The following HPGD variants were observed in gnomAD, a reference collection of about 807,000 sequenced individuals.
The protein encoded by HPGD is 15-hydroxyprostaglandin dehydrogenase [NAD(+)].
A neutral mutation model predicts 30.0 loss-of-function variants in HPGD; 29 were observed. The ratio of observed to expected loss-of-function variants is 0.97; its 90% confidence interval spans 0.72 to 1.32. The LOEUF (loss-of-function observed/expected upper bound fraction) is 1.32, where lower values mean the gene tolerates loss of function less well. Among genes scored for constraint, HPGD ranks in the 40% most tolerant of loss-of-function variants. HPGD has a pLI of 0.00. For synonymous variants in HPGD, 99 were observed against 112.4 expected (o/e 0.88, Z 0.75); for missense variants, 340 against 322.1 (o/e 1.06, Z -0.43).
At chr4:174,508,059 C>T in intron 4 of HPGD, 1 of 694,188 alleles carries the variant, frequency 1.4e-6, no homozygotes, top group Non-Finnish European at 2.6e-6. Flanking sequence ...CCTCCATGTT[C>T]TTCTTCTCTT....
chr4:174,516,182 A>G (rs928890979), intron 3 of HPGD, among the ~76,000 whole-genome samples: 6 of 152,176 alleles, frequency 3.9e-5, no homozygotes, highest in Non-Finnish European at 7.4e-5. Context: ...ACCAAGAAAG[A>G]CACAGCACTA....
intron 3 of HPGD, among the ~76,000 whole-genome samples, chr4:174,511,244 C>T (rs1735475869): frequency 6.6e-6 from 1 of 151,232 alleles, no homozygotes; most frequent in African/African-American, 2.4e-5. Flanking sequence ...TAGCAACATT[C>T]ATTTATTTTG....
intron 5 of HPGD, among the ~76,000 whole-genome samples, chr4:174,493,993 A>G (rs2110772072): frequency 6.6e-6 from 1 of 152,308 alleles, no homozygotes; most frequent in Non-Finnish European, 1.5e-5. Flanking sequence ...ACCGATGTGC[A>G]TGTTCCTGCT....
rs1050145 is a variant in HPGD at position 174,522,005 on chromosome 4, C to T, written c.156G>A (p.Gln52=). ...GVQCKAALDE[Q]FEPQKTLFIQ... ...TGAACAGAGTCTTCTGAGGTTCAAA[C>T]TGCTCATCCAGGGCAGCTTTACACT... Residue 52 remains glutamine, a synonymous_variant, in exon 2 of 7, where the codon CAG becomes CAA. Transcript: ENST00000296522. 0.41 allele frequency: 656,735 copies of T among 1,613,832 alleles called. 135,588 individuals carry two copies. Among genetic ancestry groups the T allele is most frequent in the Non-Finnish European group, 0.43 (506,655 of 1,179,878 alleles).
At chr4:174,508,132 G>A (rs560735917) in intron 4 of HPGD, 108 of 702,218 alleles carry the variant, frequency 1.5e-4, no homozygotes, top group African/African-American at 8.5e-4. Flanking sequence ...TGCTGAAGAC[G>A]GCAGAACTTC....
chr4:174,502,957 G>C (rs1734992047), intron 4 of HPGD, among the ~76,000 whole-genome samples: 1 of 152,132 alleles, frequency 6.6e-6, no homozygotes, highest in Non-Finnish European at 1.5e-5. Flanking sequence ...AGCCATCTCT[G>C]TCCTATCGAA....
rs765152595 is a variant in HPGD at position 174,496,718 on chromosome 4, C to T, written c.422-1094G>A. Among the ~76,000 whole-genome samples the T allele has an allele frequency of 2.0e-5, 3 of 152,168 alleles. No homozygotes were observed. Among genetic ancestry groups the T allele is most frequent in the Non-Finnish European group, 4.4e-5 (3 of 68,042 alleles). ...TTCTGCTGAGACATGCTCATCTCCA[C>T]CCAGCTAACTATTCCCAGAATGCCA... On this transcript the variant is annotated intron_variant, in intron 4 of 6. Transcript: ENST00000296522. This position sits in a 1 kb window ranked among gnomAD's most constrained non-coding sequence, Gnocchi z 4.6.
At chr4:174,504,653 C>G (rs45526843) in intron 4 of HPGD, among the ~76,000 whole-genome samples, 1 of 130,816 alleles carries the variant, frequency 7.6e-6, no homozygotes, top group Non-Finnish European at 1.7e-5. Flanking sequence ...ACTAAAAATA[C>G]AAAAAAAAAA....
At chr4:174,517,692 G>C (rs983478438) in intron 3 of HPGD, among the ~76,000 whole-genome samples, 1 of 152,114 alleles carries the variant, frequency 6.6e-6, no homozygotes, top group African/African-American at 2.4e-5. Flanking sequence ...GAGTTGGCAG[G>C]CTATTTTGGC....
chr4:174,493,603 T>A, intron 5 of HPGD: 1 of 289,754 alleles, frequency 3.5e-6, no homozygotes, highest in Non-Finnish European at 6.6e-6. Flanking sequence ...TGCAGGAGCC[T>A]GAAGCTAAGT....
intron 4 of HPGD, among the ~76,000 whole-genome samples, chr4:174,499,552 C>T (rs1482583861): frequency 6.6e-6 from 1 of 152,166 alleles, no homozygotes; most frequent in African/African-American, 2.4e-5. Context: ...GCATTGTCTC[C>T]ACTTTCTTGA....
chr4:174,509,790 T>C (rs1461255244), intron 3 of HPGD, among the ~76,000 whole-genome samples: 1 of 152,194 alleles, frequency 6.6e-6, no homozygotes, highest in Non-Finnish European at 1.5e-5. Flanking sequence ...ATCTGGTCTT[T>C]AGTAATGTCT....
In HPGD at chr4:174,493,132, T is replaced by C; in HGVS notation, c.662+19A>G. The C allele has an allele frequency of 1.3e-6, 2 of 1,538,784 alleles. No individual in the cohort carries two copies. Among genetic ancestry groups the C allele is most frequent in the South Asian group, 2.3e-5 (2 of 87,366 alleles). ...CTTTGCTTCATCATTTAAAAGAAAA[T>C]AGACATAGTTTTACTTACTCCAAAA... On this transcript the variant is annotated intron_variant, in intron 6 of 6. Transcript: ENST00000296522.
chr4:174,520,770 T>C (rs1736061759), intron 2 of HPGD, among the ~76,000 whole-genome samples: 1 of 152,236 alleles, frequency 6.6e-6, no homozygotes. Context: ...GGCTCTATCC[T>C]TGATCCAAAA....
chr4:174,519,500 G>A (rs1164907903), intron 2 of HPGD, among the ~76,000 whole-genome samples: 3 of 152,092 alleles, frequency 2.0e-5, no homozygotes, highest in Non-Finnish European at 4.4e-5. Context: ...ACATCCACAT[G>A]GCCTGAAGTA....
chr4:174,521,823 A>G (rs1366493583), intron 2 of HPGD, 121 bp downstream of exon 2: 1 of 1,142,342 alleles, frequency 8.8e-7, no homozygotes, highest in Non-Finnish European at 1.3e-6. Context: ...TTGGAGCTTC[A>G]AGGTAGCTGC....
At chr4:174,508,061 T>C in intron 4 of HPGD, 3 of 694,490 alleles carry the variant, frequency 4.3e-6, no homozygotes, top group Non-Finnish European at 7.9e-6. Context: ...TCCATGTTCT[T>C]CTTCTCTTTC....
Position 174,507,986 on chromosome 4 carries a change from C to A in HPGD, c.421+710G>T, listed in dbSNP as rs559251631. On this transcript the variant is annotated intron_variant, in intron 4 of 6. Coordinates refer to ENST00000296522, the MANE Select transcript of HPGD (RefSeq NM_000860.6). ...GTGAAACATGAGCTCAAGTTCTATA[C>A]TGAAATGTGAGCAGAAGGTCTGCCA... The A allele has an allele frequency of 2.9e-4, 178 of 608,858 alleles. 1 individual carries two copies. The African/African-American group carries it at 3.0e-3, about 10-fold the overall frequency. 37.7% of individuals were successfully genotyped at this position (608,858 alleles called of 1,614,324 possible). A position where few individuals can be genotyped will look rare whatever the true frequency, so the allele number is the denominator to read the frequency against.
Position 174,508,700 on chromosome 4 carries a change from T to C in HPGD, c.417A>G (p.Leu139=). The C allele has an allele frequency of 6.3e-7, 1 of 1,582,908 alleles. No homozygotes were observed. Among genetic ancestry groups the C allele is most frequent in the Non-Finnish European group, 8.7e-7 (1 of 1,151,840 alleles). The part of the protein sequence containing the change: ...EGGIIINMSS[L]AGLMPVAQQP... ...TAATGTAATAATTGCCCTTACCTGCTAAAGATGACATATTGATAATGATGC... is the reference window on the plus strand; with the variant it reads ...TAATGTAATAATTGCCCTTACCTGCCAAAGATGACATATTGATAATGATGC... The change falls in exon 4 of 7, where the codon TTA becomes TTG. Residue 139 remains leucine (L), a synonymous_variant. Coordinates refer to ENST00000296522, the MANE Select transcript of HPGD (RefSeq NM_000860.6).
Sources: allele counts gnomAD v4.1 joint callset (sites outside exome capture counted in the v4.1 genomes callset), GRCh38; gene constraint gnomAD v4.1.1; non-coding constraint Gnocchi (gnomAD v3.1); transcripts MANE v1.5; gene names NCBI Gene and HGNC (gene_info 2026-07-23, HGNC 2026-07-21).